Variants in LINGO2 observed in about 807,000 individuals in gnomAD.
The protein encoded by LINGO2 is leucine-rich repeat and immunoglobulin-like domain-containing nogo receptor-interacting protein 2.
A neutral mutation model predicts 30.6 loss-of-function variants in LINGO2; 14 were observed. The observed-to-expected ratio is 0.46, with a 90% CI of 0.30 to 0.72. The LOEUF (loss-of-function observed/expected upper bound fraction) is 0.72, where lower values mean the gene tolerates loss of function less well. LINGO2 is among the 30% of genes least tolerant of loss of function. The pLI is 0.07. For missense variants in LINGO2, 729 were observed against 751.7 expected (o/e 0.97, Z 0.35); for synonymous variants, 317 against 288.5 (o/e 1.10, Z -1.00).
intron 1 of LINGO2, among the ~76,000 whole-genome samples, chr9:28,624,536 T>C (rs1229367127): frequency 6.6e-6 from 1 of 152,084 alleles, no homozygotes; most frequent in Admixed American, 6.6e-5. Flanking sequence ...TCATGGTAAA[T>C]GATCTTTTTA....
At chr9:29,205,431 T>C in the LINGO2 span, among the ~76,000 whole-genome samples, 3 of 152,246 alleles carry the variant, frequency 2.0e-5, no homozygotes, top group Non-Finnish European at 4.4e-5. Flanking sequence ...ACCTAACTTG[T>C]TCATGATGTA....
At chr9:28,620,193 C>T (rs1239799555) in intron 1 of LINGO2, among the ~76,000 whole-genome samples, 1 of 152,022 alleles carries the variant, frequency 6.6e-6, no homozygotes, top group Non-Finnish European at 1.5e-5. Context: ...TTGTTTTCTT[C>T]CCAGGTGATT....
chr9:28,098,646 A>T (rs958235158), intron 4 of LINGO2, among the ~76,000 whole-genome samples: 26 of 152,184 alleles, frequency 1.7e-4, no homozygotes, highest in African/African-American at 6.0e-4. Flanking sequence ...TCACTGGCCA[A>T]GGCACATGTG....
chr9:28,143,272 T>C (rs1301317903), intron 4 of LINGO2, among the ~76,000 whole-genome samples: 1 of 152,194 alleles, frequency 6.6e-6, no homozygotes, highest in Admixed American at 6.5e-5. Flanking sequence ...ATTTATTGAA[T>C]AGTCCTGGAG....
chr9:28,621,941 G>GA (rs1367542181), intron 1 of LINGO2, among the ~76,000 whole-genome samples: 1 of 152,106 alleles, frequency 6.6e-6, no homozygotes, highest in Non-Finnish European at 1.5e-5. Flanking sequence ...ACACACTGCT[G>GA]AAAAAATGTG....
intron 1 of LINGO2, among the ~76,000 whole-genome samples, chr9:28,490,939 A>C (rs1305287289): frequency 6.6e-6 from 1 of 152,232 alleles, no homozygotes; most frequent in Non-Finnish European, 1.5e-5. Flanking sequence ...TGTAAATGTT[A>C]AAATCTGGAA....
chr9:28,984,818 TCTAA>T, the LINGO2 span, among the ~76,000 whole-genome samples: 6 of 152,236 alleles, frequency 3.9e-5, no homozygotes, highest in South Asian at 1.0e-3. Flanking sequence ...AATAATTAAA[TCTAA>T]CTAATTTACA....
At chr9:28,073,247 G>A (rs1281360126) in intron 4 of LINGO2, among the ~76,000 whole-genome samples, 1 of 152,068 alleles carries the variant, frequency 6.6e-6, no homozygotes, top group Admixed American at 6.6e-5. Flanking sequence ...GGCCTACCCC[G>A]TATTAGCTGC....
chr9:28,956,365 CCAATT>C, the LINGO2 span, among the ~76,000 whole-genome samples: 3 of 152,062 alleles, frequency 2.0e-5, no homozygotes, highest in Admixed American at 6.5e-5. Context: ...TGTGCTCTTG[CCAATT>C]CAGGTTAATA....
At chr9:28,873,343 ACT>A in the LINGO2 span, among the ~76,000 whole-genome samples, 2 of 148,386 alleles carry the variant, frequency 1.3e-5, no homozygotes, top group Admixed American at 1.4e-4. Flanking sequence ...ACACCATTGC[ACT>A]CTCTAGCCTG....
the LINGO2 span, among the ~76,000 whole-genome samples, chr9:28,954,235 G>T: frequency 6.6e-6 from 1 of 152,092 alleles, no homozygotes; most frequent in Admixed American, 6.6e-5. Flanking sequence ...TTGACTATTA[G>T]TTACACTTTT....
intron 3 of LINGO2, among the ~76,000 whole-genome samples, chr9:28,324,356 C>T (rs1825149796): frequency 6.6e-6 from 1 of 152,084 alleles, no homozygotes. Context: ...GTATAGTTGT[C>T]AGAGGTGTTT....
chr9:28,188,800 G>A (rs1564028133), intron 4 of LINGO2, among the ~76,000 whole-genome samples: 1 of 152,100 alleles, frequency 6.6e-6, no homozygotes, highest in Non-Finnish European at 1.5e-5. Flanking sequence ...GGTCAAAGAG[G>A]TCTTATAGGC....
chr9:28,642,779 A>G (rs879908750), intron 1 of LINGO2, among the ~76,000 whole-genome samples: 13 of 152,136 alleles, frequency 8.5e-5, no homozygotes, highest in East Asian at 5.8e-4. Context: ...ATGACCTATT[A>G]TCTTTCAACT....
At chr9:28,437,300 G>A (rs1823986415) in intron 2 of LINGO2, among the ~76,000 whole-genome samples, 2 of 152,030 alleles carry the variant, frequency 1.3e-5, no homozygotes, top group Admixed American at 1.3e-4. Context: ...TCAGACTTTG[G>A]ACCCTAGAAC....
intron 2 of LINGO2, among the ~76,000 whole-genome samples, chr9:28,433,769 C>T (rs1368050309): frequency 6.6e-6 from 1 of 151,926 alleles, no homozygotes; most frequent in East Asian, 1.9e-4. Context: ...AGCAATCCCA[C>T]TACTGGGTAG....
the LINGO2 span, among the ~76,000 whole-genome samples, chr9:28,762,195 C>T: frequency 6.6e-6 from 1 of 151,930 alleles, no homozygotes; most frequent in African/African-American, 2.4e-5. Context: ...GTTTTTAATA[C>T]CTATTTATTT....
intron 2 of LINGO2, among the ~76,000 whole-genome samples, chr9:28,422,076 T>C (rs1244181317): frequency 6.6e-6 from 1 of 152,004 alleles, no homozygotes; most frequent in East Asian, 1.9e-4. Context: ...AACGTAGGGG[T>C]AAATCTTCAG....
chr9:28,012,245 A>T (rs150047483), intron 5 of LINGO2: 2 of 152,176 alleles, frequency 1.3e-5, no homozygotes, highest in East Asian at 3.9e-4. Context: ...TCACATACAT[A>T]TGAGCTACAC....
Sources: allele counts gnomAD v4.1 joint callset (sites outside exome capture counted in the v4.1 genomes callset), GRCh38; gene constraint gnomAD v4.1.1; transcripts MANE v1.5; gene names NCBI Gene and HGNC (gene_info 2026-07-23, HGNC 2026-07-21).